SPON1: variants seen among roughly 807,000 people sequenced by gnomAD.
The protein encoded by SPON1 is spondin 1.
SPON1 carries 52 observed loss-of-function variants against 111.7 expected under a neutral mutation model. The observed-to-expected ratio is 0.47, with a 90% CI of 0.37 to 0.59. The LOEUF (loss-of-function observed/expected upper bound fraction) is 0.59. SPON1 is among the 20% of genes least tolerant of loss of function. SPON1 has a pLI of 0.00. For missense variants in SPON1, 957 were observed against 1,068.5 expected (o/e 0.90, Z 1.46); for synonymous variants, 410 against 395.8 (o/e 1.04, Z -0.43).
intron 2 of SPON1, among the ~76,000 whole-genome samples, chr11:14,015,454 C>T (rs540977895): frequency 1.3e-5 from 2 of 152,296 alleles, no homozygotes; most frequent in African/African-American, 4.8e-5. Flanking sequence ...TTAATCACCT[C>T]CTAAAGCCTC....
intron 2 of SPON1, among the ~76,000 whole-genome samples, chr11:13,989,037 TG>T (rs1485590348): frequency 1.3e-5 from 2 of 152,206 alleles, no homozygotes; most frequent in African/African-American, 2.4e-5. Context: ...TGTGAGGTTT[TG>T]GTATCAGGAT....
At chr11:14,136,914 C>T (rs1847600138) in intron 6 of SPON1, among the ~76,000 whole-genome samples, 1 of 152,100 alleles carries the variant, frequency 6.6e-6, no homozygotes, top group South Asian at 2.1e-4. Context: ...GTCTGTCTGG[C>T]CTATCATGGG....
chr11:14,152,979 C>A (rs1022514917), intron 6 of SPON1, among the ~76,000 whole-genome samples: 1 of 152,116 alleles, frequency 6.6e-6, no homozygotes, highest in Non-Finnish European at 1.5e-5. Context: ...ATATAATACA[C>A]AAAGAAGTGA....
intron 7 of SPON1, among the ~76,000 whole-genome samples, chr11:14,252,639 A>G: frequency 7.0e-6 from 1 of 143,146 alleles, no homozygotes; most frequent in African/African-American, 2.6e-5. Context: ...GCCGAAGGCA[A>G]GACCTGCGCA....
At chr11:14,262,657 G>T in intron 14 of SPON1, 55 bp from the exon 15 acceptor site, 2 of 1,601,966 alleles carry the variant, frequency 1.2e-6, no homozygotes, top group South Asian at 2.2e-5. Context: ...AGGAGAGCGT[G>T]ACCATATCTT....
At chr11:14,154,366 A>C in intron 6 of SPON1, among the ~76,000 whole-genome samples, 1 of 152,206 alleles carries the variant, frequency 6.6e-6, no homozygotes, top group Non-Finnish European at 1.5e-5. Context: ...TGCCACCTGC[A>C]CACTCACAGG....
chr11:13,968,064 G>A (rs1848032914), intron 1 of SPON1, among the ~76,000 whole-genome samples: 1 of 152,124 alleles, frequency 6.6e-6, no homozygotes, highest in African/African-American at 2.4e-5. Flanking sequence ...TCACTGATAC[G>A]TTTACCACTA....
At chr11:14,218,857 T>TTAGCTCTG (rs1320826737) in intron 6 of SPON1, among the ~76,000 whole-genome samples, 2 of 152,236 alleles carry the variant, frequency 1.3e-5, no homozygotes, top group African/African-American at 4.8e-5. Context: ...GAGGTTGAAA[T>TTAGCTCTG]TAGCTCTGTC....
chr11:13,969,542 G>A (rs1554908385), intron 1 of SPON1, among the ~76,000 whole-genome samples: 1 of 152,166 alleles, frequency 6.6e-6, no homozygotes, highest in African/African-American at 2.4e-5. Flanking sequence ...CAAAGGGGTG[G>A]TGTGGGAAGA....
chr11:14,004,002 A>G (rs1848339961), intron 2 of SPON1, among the ~76,000 whole-genome samples: 1 of 152,142 alleles, frequency 6.6e-6, no homozygotes. Context: ...TTTTTAAAAA[A>G]ATGTTTCACA....
At chr11:13,966,564 A>G (rs1848017774) in intron 1 of SPON1, among the ~76,000 whole-genome samples, 2 of 152,252 alleles carry the variant, frequency 1.3e-5, no homozygotes, top group African/African-American at 4.8e-5. Flanking sequence ...TGATGGGAAA[A>G]GAATGTCCAG....
In SPON1 at chr11:14,161,193, A is replaced by ATATATC. The variant is rs1564920087; in HGVS notation, c.825+25630_825+25631insCTATAT. 3.8e-4 allele frequency among the ~76,000 whole-genome samples: 24 copies of ATATATC among 62,364 alleles called. 1 individual carries two copies. Among genetic ancestry groups the ATATATC allele is most frequent in the Non-Finnish European group, 6.7e-4 (18 of 26,976 alleles). 40.9% of individuals were successfully genotyped at this position (62,364 alleles called of 152,430 possible). ...TATATATCTATATATTTATATATCTATATATATTTATATATTTATATATAT... is the reference window on the plus strand; with the variant it reads ...TATATATCTATATATTTATATATCTATATATCTATATATTTATATATTTATATATAT... On this transcript the variant is annotated intron_variant, in intron 6 of 15. Transcript: ENST00000576479.
intron 6 of SPON1, among the ~76,000 whole-genome samples, chr11:14,187,935 C>T (rs1848304448): frequency 6.6e-6 from 1 of 152,148 alleles, no homozygotes; most frequent in African/African-American, 2.4e-5. Flanking sequence ...GCATGTGCCA[C>T]CACGCCTGGC....
chr11:14,108,694 G>A (rs1849203709), intron 5 of SPON1, among the ~76,000 whole-genome samples: 1 of 151,678 alleles, frequency 6.6e-6, no homozygotes, highest in African/African-American at 2.4e-5. Context: ...ATCCATTTCA[G>A]CAGCCAACCA....
At chr11:13,994,043 T>C (rs1554911495) in intron 2 of SPON1, among the ~76,000 whole-genome samples, 1 of 152,172 alleles carries the variant, frequency 6.6e-6, no homozygotes, top group African/African-American at 2.4e-5. Flanking sequence ...TAATCACCTG[T>C]TTTTAAACTA....
At chr11:14,080,102 G>C in intron 5 of SPON1, 81 bp downstream of exon 5, 1 of 1,549,582 alleles carries the variant, frequency 6.5e-7, no homozygotes, top group Non-Finnish European at 8.9e-7. Flanking sequence ...ACTAGCTGCA[G>C]CATGTCAGAT....
intron 7 of SPON1, among the ~76,000 whole-genome samples, chr11:14,245,654 G>A (rs1383238320): frequency 2.6e-5 from 4 of 152,178 alleles, no homozygotes; most frequent in Non-Finnish European, 4.4e-5. Context: ...GGAGGCCTGA[G>A]GAGGGAAAGA....
At chr11:14,098,677 A>T (rs1355582981) in intron 5 of SPON1, among the ~76,000 whole-genome samples, 1 of 147,788 alleles carries the variant, frequency 6.8e-6, no homozygotes, top group Non-Finnish European at 1.5e-5. Context: ...GGGTGGGAAG[A>T]GAGAGAGAGA....
chr11:14,106,115 G>A (rs1012852997), intron 5 of SPON1, among the ~76,000 whole-genome samples: 1 of 152,190 alleles, frequency 6.6e-6, no homozygotes, highest in Admixed American at 6.5e-5. Flanking sequence ...CAATTATTAT[G>A]TAAGCTCTAA....
Sources: allele counts gnomAD v4.1 joint callset (sites outside exome capture counted in the v4.1 genomes callset), GRCh38; gene constraint gnomAD v4.1.1; transcripts MANE v1.5; gene names NCBI Gene and HGNC (gene_info 2026-07-23, HGNC 2026-07-21).